KIT: variants seen among roughly 807,000 people sequenced by gnomAD.
KIT encodes mast/stem cell growth factor receptor Kit.
KIT carries 16 observed loss-of-function variants against 105.7 expected under a neutral mutation model. The observed-to-expected ratio is 0.15, with a 90% CI of 0.10 to 0.23. KIT has a LOEUF of 0.23. Ranked by LOEUF, KIT falls within the 10% of genes least tolerant of loss-of-function variation. KIT has a pLI of 1.00. For missense variants in KIT, 858 were observed against 1,213.8 expected (o/e 0.71, Z 4.36); for synonymous variants, 438 against 441.1 (o/e 0.99, Z 0.09).
At chr4:54,715,155 A>G (rs1721398504) in intron 7 of KIT, among the ~76,000 whole-genome samples, 1 of 152,176 alleles carries the variant, frequency 6.6e-6, no homozygotes, top group South Asian at 2.1e-4. Context: ...AATCACCCAG[A>G]ATAAGGCTTC....
At position 54,727,943 on chromosome 4, in the gene KIT, G is replaced by C. The variant is rs767254668; in HGVS notation, c.1879+16G>C. Reference sequence around the variant, plus strand: ...ATGCTCAAGCGTAAGTTCCTGTATGGTACTGCATGCGCTTGACATCAGTTT... The same window carrying C: ...ATGCTCAAGCGTAAGTTCCTGTATGCTACTGCATGCGCTTGACATCAGTTT... On this transcript the variant is annotated intron_variant, in intron 12 of 20. Transcript: ENST00000288135. The C allele has an allele frequency of 6.2e-7, 1 of 1,612,010 alleles. No individual in the cohort carries two copies.
intron 14 of KIT, 48 bp downstream of exon 14, chr4:54,729,533 G>A (rs2109787609): frequency 1.9e-6 from 3 of 1,583,780 alleles, no homozygotes; most frequent in Middle Eastern, 3.3e-4. Flanking sequence ...GCAGTTCATG[G>A]GGTCATAAGG....
intron 1 of KIT, among the ~76,000 whole-genome samples, chr4:54,668,731 GTTA>G (rs1047736094): frequency 7.2e-5 from 11 of 152,212 alleles, no homozygotes; most frequent in Non-Finnish European, 1.5e-4. Context: ...TTGGCTGTCT[GTTA>G]TTCTACTTGG....
At chr4:54,689,197 T>C (rs1719525096) in intron 1 of KIT, among the ~76,000 whole-genome samples, 2 of 152,196 alleles carry the variant, frequency 1.3e-5, no homozygotes, top group South Asian at 4.1e-4. Context: ...CCTTTCTTAG[T>C]TATGGAAGAA....
intron 1 of KIT, among the ~76,000 whole-genome samples, chr4:54,678,693 G>T (rs560188786): frequency 6.6e-6 from 1 of 152,158 alleles, no homozygotes; most frequent in Admixed American, 6.5e-5. Context: ...GCTCAGAGAA[G>T]CACCTTAATT....
At chr4:54,699,318 G>A (rs972783853) in intron 3 of KIT, among the ~76,000 whole-genome samples, 7 of 152,080 alleles carry the variant, frequency 4.6e-5, no homozygotes, top group African/African-American at 1.7e-4. Context: ...CACCATCAAG[G>A]TTGTCTGAAA....
At chr4:54,717,288 T>C (rs1721567155) in intron 7 of KIT, among the ~76,000 whole-genome samples, 1 of 152,194 alleles carries the variant, frequency 6.6e-6, no homozygotes, top group Non-Finnish European at 1.5e-5. Context: ...AAGCTAAACA[T>C]CTTTCCCTCC....
chr4:54,698,705 C>A, intron 3 of KIT, 140 bp downstream of exon 3: 1 of 959,742 alleles, frequency 1.0e-6, no homozygotes, highest in Non-Finnish European at 1.6e-6. Flanking sequence ...AAAATGTCAT[C>A]TGCTTTTGAA....
At chr4:54,680,230 C>T (rs1395704228) in intron 1 of KIT, among the ~76,000 whole-genome samples, 1 of 152,038 alleles carries the variant, frequency 6.6e-6, no homozygotes, top group Admixed American at 6.6e-5. Flanking sequence ...TGTATATATA[C>T]ACATGCACAC....
chr4:54,672,887 T>A (rs1204337079), intron 1 of KIT, among the ~76,000 whole-genome samples: 1 of 152,204 alleles, frequency 6.6e-6, no homozygotes, highest in Non-Finnish European at 1.5e-5. Flanking sequence ...GGCGAGTGTG[T>A]AGTCTGTATA....
chr4:54,690,055 T>TTG lies in KIT; in HGVS notation c.68-5454_68-5453dup, dbSNP rs200240141. Among the ~76,000 whole-genome samples the TTG allele has an allele frequency of 9.4e-3, 1,052 of 112,208 alleles. 26 individuals are homozygous for TTG. Among genetic ancestry groups the TTG allele is most frequent in the African/African-American group, 0.039 (969 of 24,806 alleles). 73.6% of individuals were successfully genotyped at this position (112,208 alleles called of 152,430 possible). ...GCATGTATAGAATGTTACTTTTTTT[T>TTG]TGTGGGGGGGGGGGGCTGTGTAATG... On this transcript the variant is annotated intron_variant, in intron 1 of 20. Transcript: ENST00000288135.
chr4:54,676,205 C>T (rs1436675531), intron 1 of KIT, among the ~76,000 whole-genome samples: 1 of 152,172 alleles, frequency 6.6e-6, no homozygotes, highest in African/African-American at 2.4e-5. Flanking sequence ...ATCAGGATCA[C>T]CTGGGACTTG....
chr4:54,693,362 T>C (rs1719842343), intron 1 of KIT, among the ~76,000 whole-genome samples: 1 of 152,212 alleles, frequency 6.6e-6, no homozygotes, highest in Admixed American at 6.5e-5. Flanking sequence ...CTGGTGGTTC[T>C]TTTTCTTAAA....
At chr4:54,681,363 C>G (rs1175890634) in intron 1 of KIT, among the ~76,000 whole-genome samples, 1 of 152,126 alleles carries the variant, frequency 6.6e-6, no homozygotes, top group Non-Finnish European at 1.5e-5. Context: ...CCTTTCTGCT[C>G]AGGGATGGAT....
intron 1 of KIT, among the ~76,000 whole-genome samples, chr4:54,692,659 C>G (rs1444872608): frequency 6.6e-6 from 1 of 152,112 alleles, no homozygotes; most frequent in Non-Finnish European, 1.5e-5. Context: ...ATAATAGCAT[C>G]TCTATTGCTG....
intron 2 of KIT, among the ~76,000 whole-genome samples, chr4:54,696,782 C>G (rs1159639955): frequency 6.6e-6 from 1 of 152,228 alleles, no homozygotes; most frequent in Non-Finnish European, 1.5e-5. Flanking sequence ...TCCGCTTTAT[C>G]AGTTGTCCTT....
rs558705349 is a variant in KIT, at chr4:54,719,651, G to T, written c.1232-3933G>T. 2.6e-5 allele frequency among the ~76,000 whole-genome samples: 4 copies of T among 152,264 alleles called. No homozygotes were observed. In the South Asian group the frequency reaches 8.3e-4, roughly 32 times the overall value. On this transcript the variant is annotated intron_variant, in intron 7 of 20. Coordinates refer to ENST00000288135, the MANE Select transcript of KIT (RefSeq NM_000222.3). Reference sequence around the variant, plus strand: ...AACCTCCAACTTGGGAGGAATTAGAGAATGTGTCATTTGCTATACTGCTTA... The same window carrying T: ...AACCTCCAACTTGGGAGGAATTAGATAATGTGTCATTTGCTATACTGCTTA...
At chr4:54,684,650 A>G (rs921903560) in intron 1 of KIT, among the ~76,000 whole-genome samples, 17 of 151,710 alleles carry the variant, frequency 1.1e-4, no homozygotes, top group Non-Finnish European at 2.2e-4. Context: ...TCCTCCCCCA[A>G]ACTCCTCCCT....
chr4:54,679,291 G>A (rs1348222709), intron 1 of KIT, among the ~76,000 whole-genome samples: 1 of 151,566 alleles, frequency 6.6e-6, no homozygotes, highest in Admixed American at 6.6e-5. Flanking sequence ...GGGGAGAAAG[G>A]AGATTTGCCT....
Sources: allele counts gnomAD v4.1 joint callset (sites outside exome capture counted in the v4.1 genomes callset), GRCh38; gene constraint gnomAD v4.1.1; transcripts MANE v1.5; gene names NCBI Gene and HGNC (gene_info 2026-07-23, HGNC 2026-07-21).